The following DACH2 variants were observed in gnomAD, a reference collection of about 807,000 sequenced individuals.
DACH2 encodes the protein dachshund family transcription factor 2.
DACH2 carries 17 observed loss-of-function variants against 35.8 expected under a neutral mutation model. The observed-to-expected ratio is 0.48, with a 90% CI of 0.33 to 0.71. DACH2 has a LOEUF of 0.71. DACH2 is among the 30% of genes least tolerant of loss of function. DACH2 has a pLI of 0.02. For missense variants in DACH2, 469 were observed against 472.7 expected, an observed-to-expected ratio of 0.99 and a Z score of 0.07; for synonymous variants, 195 against 177.3, an observed-to-expected ratio of 1.10 and a Z score of -0.79.
At chrX:86,667,585 A>AAAGG (rs2040710287) in intron 4 of DACH2, among the ~76,000 whole-genome samples, 2 of 101,882 alleles carry the variant, frequency 2.0e-5, no homozygotes, top group East Asian at 6.2e-4. Flanking sequence ...AGAAAGAAAG[A>AAAGG]AAGAAAGAAA....
At chrX:86,671,906 G>C (rs1229681955) in intron 4 of DACH2, among the ~76,000 whole-genome samples, 2 of 111,568 alleles carry the variant, frequency 1.8e-5, no homozygotes, top group African/African-American at 6.5e-5. Context: ...AAGCATTGTG[G>C]AGTGGTTTTG....
intron 1 of DACH2, among the ~76,000 whole-genome samples, chrX:86,285,690 G>C (rs1395159791): frequency 1.8e-5 from 2 of 111,735 alleles, no homozygotes; most frequent in Non-Finnish European, 3.8e-5. Context: ...CGGCCTATAA[G>C]TGCAGATTAT....
intron 1 of DACH2, among the ~76,000 whole-genome samples, chrX:86,294,195 C>G (rs2034384800): frequency 8.9e-6 from 1 of 111,850 alleles, no homozygotes; most frequent in East Asian, 2.8e-4. Context: ...CACTGATACG[C>G]TTTCTTCCAG....
intron 1 of DACH2, among the ~76,000 whole-genome samples, chrX:86,296,168 A>G (rs1164015925): frequency 9.3e-6 from 1 of 107,005 alleles, no homozygotes; most frequent in Admixed American, 1.0e-4. Flanking sequence ...TCACGAGGTC[A>G]GGAGATCGAG....
chrX:86,163,060 C>T (rs1351315692), intron 1 of DACH2, among the ~76,000 whole-genome samples: 2 of 110,816 alleles, frequency 1.8e-5, no homozygotes, highest in Admixed American at 1.9e-4. Context: ...TTTAATTACA[C>T]TCTAAGTTAT....
intron 4 of DACH2, among the ~76,000 whole-genome samples, chrX:86,683,115 G>A (rs761578107): frequency 8.5e-4 from 94 of 110,664 alleles, no homozygotes; most frequent in Non-Finnish European, 1.5e-3. Context: ...TTTCATGTTC[G>A]TGTTGTATGC....
chrX:86,806,744 G>A (rs1027252278), intron 7 of DACH2, among the ~76,000 whole-genome samples: 1 of 112,030 alleles, frequency 8.9e-6, no homozygotes, highest in African/African-American at 3.2e-5. Context: ...TTTGAATTTT[G>A]AAGCATTTCA....
chrX:86,154,113 T>C (rs2030462305), intron 1 of DACH2, among the ~76,000 whole-genome samples: 1 of 111,550 alleles, frequency 9.0e-6, no homozygotes, highest in African/African-American at 3.3e-5. Flanking sequence ...TTATTTTGTC[T>C]TAATGAAATT....
chrX:86,567,129 G>T (rs2039303100), intron 3 of DACH2, among the ~76,000 whole-genome samples: 2 of 111,642 alleles, frequency 1.8e-5, no homozygotes, highest in Admixed American at 9.5e-5. Context: ...AGCTTAGGGT[G>T]GAATGAGGGT....
rs749476664 is a variant in DACH2 at position 86,546,167 on chromosome X, G to A, written c.640+31776G>A. Among the ~76,000 whole-genome samples the A allele has an allele frequency of 1.7e-4, 19 of 111,338 alleles. No individual in the cohort carries two copies. In the East Asian group the frequency reaches 3.7e-3, roughly 22 times the overall value. ...CAATTAATGTGGGAATAATTCATGC[G>A]CAGATGGATTGGCTGTGCTCTTGAA... On this transcript the variant is annotated intron_variant, in intron 3 of 11. Transcript: ENST00000373125.
chrX:86,323,602 T>C (rs2035057263), intron 1 of DACH2, among the ~76,000 whole-genome samples: 1 of 111,838 alleles, frequency 8.9e-6, no homozygotes, highest in African/African-American at 3.3e-5. Context: ...AGCTTGGAGA[T>C]CCTATGTCTG....
At chrX:86,467,432 CA>C (rs1289350842) in intron 2 of DACH2, among the ~76,000 whole-genome samples, 2 of 111,765 alleles carry the variant, frequency 1.8e-5, no homozygotes, top group African/African-American at 6.5e-5. Flanking sequence ...GCTTTTTGGT[CA>C]AAGCCATTCA....
chrX:86,536,660 A>G (rs905407689), intron 3 of DACH2, among the ~76,000 whole-genome samples: 1 of 108,697 alleles, frequency 9.2e-6, no homozygotes, highest in African/African-American at 3.4e-5. Context: ...TCCACCAATG[A>G]CCTGGAATTC....
At chrX:86,555,729 A>G (rs1489295566) in intron 3 of DACH2, among the ~76,000 whole-genome samples, 1 of 111,669 alleles carries the variant, frequency 9.0e-6, no homozygotes, top group Non-Finnish European at 1.9e-5. Flanking sequence ...AGAAACTACA[A>G]TTAATTGAAT....
At chrX:86,775,371 G>A (rs2042022104) in intron 7 of DACH2, among the ~76,000 whole-genome samples, 1 of 111,306 alleles carries the variant, frequency 9.0e-6, no homozygotes, top group Non-Finnish European at 1.9e-5. Context: ...ATTACTCCTC[G>A]AGCCCCACCT....
At chrX:86,399,491 A>C (rs966223241) in intron 2 of DACH2, among the ~76,000 whole-genome samples, 116 of 111,606 alleles carry the variant, frequency 1.0e-3, no homozygotes, top group African/African-American at 3.6e-3. Context: ...GGTCTTTACA[A>C]TTTGGCATGT....
chrX:86,170,233 G>A (rs2031081505), intron 1 of DACH2, among the ~76,000 whole-genome samples: 1 of 111,628 alleles, frequency 9.0e-6, no homozygotes, highest in Admixed American at 9.5e-5. Context: ...TAAAGCTGGG[G>A]GTGGAGTGAC....
At chrX:86,762,199 C>T (rs1254762727) in intron 7 of DACH2, among the ~76,000 whole-genome samples, 3 of 111,147 alleles carry the variant, frequency 2.7e-5, no homozygotes, top group South Asian at 3.8e-4. Flanking sequence ...CATTTAACTG[C>T]AAATACATCG....
At chrX:86,387,777 T>C (rs1329313671) in intron 2 of DACH2, among the ~76,000 whole-genome samples, 2 of 112,235 alleles carry the variant, frequency 1.8e-5, no homozygotes, top group African/African-American at 6.5e-5. Context: ...TACTGAGCCA[T>C]TGAATTATAT....
Sources: gnomAD v4.1 joint callset for allele counts (sites outside exome capture counted in the v4.1 genomes callset) on GRCh38, gnomAD v4.1.1 for gene constraint, MANE v1.5 for transcripts, NCBI Gene and HGNC (gene_info 2026-07-23, HGNC 2026-07-21) for gene names.